Variants in MOCS2 observed in about 807,000 individuals in gnomAD.
The protein encoded by MOCS2 is molybdopterin synthase catalytic subunit.
In MOCS2, 13 loss-of-function variants were observed where a neutral mutation model predicts 21.9. The ratio of observed to expected loss-of-function variants is 0.59; its 90% CI spans 0.39 to 0.94. MOCS2 has a LOEUF of 0.94. MOCS2 is among the 40% of genes least tolerant of loss of function. The probability of loss-of-function intolerance (pLI) is 0.00; values close to 1 mark genes in which losing one functional copy is unlikely to be tolerated. For missense variants in MOCS2, 227 were observed against 218.3 expected (o/e 1.04, Z -0.25); for synonymous variants, 92 against 80.8 (o/e 1.14, Z -0.74).
intron 3 of MOCS2, among the ~76,000 whole-genome samples, chr5:53,106,333 T>C (rs1195231835): frequency 1.3e-5 from 2 of 152,216 alleles, no homozygotes; most frequent in East Asian, 1.9e-4. Flanking sequence ...ATAAAGAAAA[T>C]GTGGTACATA....
Position 53,109,491 on chromosome 5 carries a change from G to C in MOCS2, c.-410C>G. ...TGCCGTGAGCTGACAAGAGTTCTCG[G>C]AGAGGACCCGACTTCTGCTGGGGCA... On this transcript the variant is annotated 5_prime_UTR_variant, in exon 1 of 7. Transcript: ENST00000396954. The C allele has an allele frequency of 2.3e-6, 3 of 1,329,080 alleles. No individual in the cohort carries two copies. The highest frequency in any genetic ancestry group is 2.9e-6 in the Non-Finnish European group (3 of 1,042,380). The allele number at this position is 1,329,080 out of a possible 1,614,324, so 82.3% of individuals were successfully genotyped here. A position where few individuals can be genotyped will look rare whatever the true frequency, so the allele number is the denominator to read the frequency against.
At position 53,109,390 on chromosome 5, in the gene MOCS2, C is replaced by T; in HGVS notation, c.-309G>A. On this transcript the variant is annotated 5_prime_UTR_variant, in exon 1 of 7. Coordinates refer to ENST00000396954, the MANE Select transcript of MOCS2 (RefSeq NM_004531.5). ...ATTTCTTTTTAGATTAAAATTTTAG[C>T]TTCATCAAAACGAATAATCTGGGAA... The T allele has an allele frequency of 1.7e-6, 2 of 1,202,150 alleles. No homozygotes were observed. The allele number at this position is 1,202,150 out of a possible 1,614,324, so 74.5% of individuals were successfully genotyped here.
intron 3 of MOCS2, among the ~76,000 whole-genome samples, chr5:53,104,952 A>C (rs1424882885): frequency 6.6e-6 from 1 of 152,162 alleles, no homozygotes; most frequent in Non-Finnish European, 1.5e-5. Flanking sequence ...GTCTGTACTT[A>C]TAAGAAGCCT....
intron 4 of MOCS2, 97 bp downstream of exon 4, chr5:53,102,000 A>G: frequency 7.6e-7 from 1 of 1,316,152 alleles, no homozygotes; most frequent in Non-Finnish European, 1.1e-6. Flanking sequence ...TTTAAAGTTC[A>G]GTATTTCAAA....
At chr5:53,102,340 G>C (rs1740937134) in intron 3 of MOCS2, 116 bp from the exon 4 acceptor site, 2 of 1,015,736 alleles carry the variant, frequency 2.0e-6, no homozygotes, top group Non-Finnish European at 2.9e-6. Context: ...AAAAGGAAGA[G>C]GCTGTGGCAC....
At chr5:53,109,227 G>T in intron 1 of MOCS2, 24 bp downstream of exon 1, 1 of 953,264 alleles carries the variant, frequency 1.0e-6, no homozygotes, top group Non-Finnish European at 1.3e-6. Flanking sequence ...GTATGTAAGG[G>T]ATCCGACGAA....
intron 3 of MOCS2, 151 bp downstream of exon 3, chr5:53,106,926 T>C: frequency 2.6e-6 from 2 of 772,122 alleles, no homozygotes; most frequent in Non-Finnish European, 4.1e-6. Flanking sequence ...TATTCATAAA[T>C]CTGTTGGCAC....
At chr5:53,107,242 C>T (rs1288457947) in intron 2 of MOCS2, 21 bp from the exon 3 acceptor site, 2 of 1,602,294 alleles carry the variant, frequency 1.2e-6, no homozygotes, top group Non-Finnish European at 8.5e-7. Flanking sequence ...AAAAATATGA[C>T]TCAAAGTATC....
chr5:53,109,596 G>A lies in MOCS2; in HGVS notation c.-515C>T. 1.3e-6 allele frequency: 2 copies of A among 1,483,114 alleles called. No homozygotes were observed. The highest frequency in any genetic ancestry group is 9.0e-7 in the Non-Finnish European group (1 of 1,109,962). 91.9% of individuals were successfully genotyped at this position (1,483,114 alleles called of 1,614,324 possible). On this transcript the variant is annotated 5_prime_UTR_variant, in exon 1 of 7. Coordinates refer to ENST00000396954, the MANE Select transcript of MOCS2 (RefSeq NM_004531.5). The stretch of plus-strand genomic sequence containing the variant: ...CCGAACCCAAGACGCCGGCCAGGTT[G>A]GGGGCTAGTGGGGAGGTCCGACTGA...
At position 53,109,566 on chromosome 5, in the gene MOCS2, C is replaced by CGGGGGG. The variant is rs1741151404; in HGVS notation, c.-486_-485insCCCCCC. 7.1e-7 allele frequency: 1 copy of CGGGGGG among 1,407,006 alleles called. No individual in the cohort carries two copies. The highest frequency in any genetic ancestry group is 9.3e-7 in the Non-Finnish European group (1 of 1,080,404). The allele number at this position is 1,407,006 out of a possible 1,614,324, so 87.2% of individuals were successfully genotyped here. Reference sequence around the variant, plus strand: ...AAGGGCCCGGGGGCGGGGGCGGGGGCGCCCCCGAACCCAAGACGCCGGCCA... The same window carrying CGGGGGG: ...AAGGGCCCGGGGGCGGGGGCGGGGGCGGGGGGGCCCCCGAACCCAAGACGCCGGCCA... On this transcript the variant is annotated 5_prime_UTR_variant, in exon 1 of 7. Transcript: ENST00000396954.
At chr5:53,102,941 T>C (rs1740955358) in intron 3 of MOCS2, among the ~76,000 whole-genome samples, 1 of 138,294 alleles carries the variant, frequency 7.2e-6, no homozygotes, top group Non-Finnish European at 1.6e-5. Context: ...GACAAAGTGA[T>C]ACCCCATCTC....
At chr5:53,100,629 A>G (rs1561173327) in intron 5 of MOCS2, 95 bp from the exon 6 acceptor site, 8 of 1,331,142 alleles carry the variant, frequency 6.0e-6, no homozygotes, top group Admixed American at 3.8e-5. Context: ...CCAGGTATGC[A>G]GTCTTAGAAT....
chr5:53,100,652 C>A (rs1290896992), intron 5 of MOCS2, 118 bp from the exon 6 acceptor site: 14 of 1,052,882 alleles, frequency 1.3e-5, no homozygotes, highest in Non-Finnish European at 1.8e-5. Flanking sequence ...TACTGTAGTT[C>A]TATTTTACGT....
At chr5:53,104,897 T>C (rs1055413953) in intron 3 of MOCS2, among the ~76,000 whole-genome samples, 16 of 152,210 alleles carry the variant, frequency 1.1e-4, no homozygotes, top group African/African-American at 3.9e-4. Context: ...GACTGTTAAT[T>C]TCTACTGTTT....
chr5:53,109,241 A>C lies in MOCS2; in HGVS notation c.-170+10T>G, dbSNP rs1741135739. On this transcript the variant is annotated intron_variant, in intron 1 of 6. Transcript: ENST00000396954. ...GGTATGTAAGGGATCCGACGAAGTA[A>C]AATAGGCACCTGTCACTCCGTGCAA... 1 of 987,760 alleles carries C rather than the reference A, an allele frequency of 1.0e-6. No homozygotes were observed. 61.2% of individuals were successfully genotyped at this position (987,760 alleles called of 1,614,324 possible). A position where few individuals can be genotyped will look rare whatever the true frequency, so the allele number is the denominator to read the frequency against.
intron 2 of MOCS2, 77 bp from the exon 3 acceptor site, chr5:53,107,298 T>TCTC: frequency 7.6e-7 from 1 of 1,312,952 alleles, no homozygotes; most frequent in Non-Finnish European, 1.1e-6. Context: ...ATTAGAGATA[T>TCTC]TACATAGATA....
chr5:53,101,183 A>C, intron 5 of MOCS2, 176 bp downstream of exon 5: 1 of 695,852 alleles, frequency 1.4e-6, no homozygotes, highest in South Asian at 1.8e-5. Flanking sequence ...CAATATCAAA[A>C]CTCACTAGGC....
At position 53,109,557 on chromosome 5, in the gene MOCS2, G is replaced by GGGCGGA; in HGVS notation, c.-477_-476insTCCGCC. The GGGCGGA allele has an allele frequency of 7.1e-7, 1 of 1,407,022 alleles. No individual in the cohort carries two copies. Among genetic ancestry groups the GGGCGGA allele is most frequent in the Admixed American group, 3.0e-5 (1 of 33,532 alleles). The allele number at this position is 1,407,022 out of a possible 1,614,324, so 87.2% of individuals were successfully genotyped here. On this transcript the variant is annotated 5_prime_UTR_variant, in exon 1 of 7. Coordinates refer to ENST00000396954, the MANE Select transcript of MOCS2 (RefSeq NM_004531.5). ...GGAGACAGGAAGGGCCCGGGGGCGG[G>GGGCGGA]GGCGGGGGCGCCCCCGAACCCAAGA...
chr5:53,099,463 T>C (rs1006500015), intron 6 of MOCS2, among the ~76,000 whole-genome samples: 2 of 152,214 alleles, frequency 1.3e-5, no homozygotes, highest in East Asian at 3.9e-4. Context: ...TGCCTCCTGT[T>C]GTGTCAGCCT....
Sources: allele counts gnomAD v4.1 joint callset (sites outside exome capture counted in the v4.1 genomes callset), GRCh38; gene constraint gnomAD v4.1.1; transcripts MANE v1.5; gene names NCBI Gene and HGNC (gene_info 2026-07-23, HGNC 2026-07-21).